Variants in ATP8A1 observed in about 807,000 individuals in gnomAD.
The protein encoded by ATP8A1 is ATPase phospholipid transporting 8A1.
In ATP8A1, 90 loss-of-function variants were observed where a neutral mutation model predicts 177.7. The observed-to-expected ratio is 0.51, with a 90% CI of 0.43 to 0.60. The LOEUF is 0.60. Among genes scored for constraint, ATP8A1 ranks in the 20% least tolerant of loss-of-function variants. ATP8A1 has a pLI of 0.00. For missense variants in ATP8A1, 1,072 were observed against 1,392.8 expected (o/e 0.77, Z 3.67); for synonymous variants, 493 against 485.9 (o/e 1.01, Z -0.19).
chr4:42,574,813 T>C lies in ATP8A1; in HGVS notation c.1207-106A>G, dbSNP rs540847591. The C allele has an allele frequency of 6.3e-5, 44 of 703,130 alleles. No individual in the cohort carries two copies. The Admixed American group carries it at 1.3e-3, about 21-fold the overall frequency. 43.6% of individuals were successfully genotyped at this position (703,130 alleles called of 1,614,324 possible). ...ATTAACATTGCAGGGGCACAATGAATATTACTAAGGAACTATTTTCTGCCC... is the reference window on the plus strand; with the variant it reads ...ATTAACATTGCAGGGGCACAATGAACATTACTAAGGAACTATTTTCTGCCC... On this transcript the variant is annotated intron_variant, in intron 13 of 36. Transcript: ENST00000381668.
At position 42,503,436 on chromosome 4, in the gene ATP8A1, A is replaced by G; in HGVS notation, c.2151+14T>C. ...ATTATTAAAGGAGTTTTAAAAATAC[A>G]TAATTTTACTTACATCAAGAGAGCC... On this transcript the variant is annotated intron_variant, in intron 24 of 36. Transcript: ENST00000381668. The G allele has an allele frequency of 6.6e-7, 1 of 1,511,960 alleles. No homozygotes were observed. Among genetic ancestry groups the G allele is most frequent in the Non-Finnish European group, 9.1e-7 (1 of 1,096,402 alleles). The allele number at this position is 1,511,960 out of a possible 1,614,324, so 93.7% of individuals were successfully genotyped here.
In ATP8A1 at chr4:42,421,124, T is replaced by A. The variant is rs184917576; in HGVS notation, c.3305+1683A>T. 4.6e-5 allele frequency among the ~76,000 whole-genome samples: 7 copies of A among 152,270 alleles called. No individual in the cohort carries two copies. In the East Asian group the frequency reaches 1.3e-3, roughly 29 times the overall value. On this transcript the variant is annotated intron_variant, in intron 35 of 36. Coordinates refer to ENST00000381668, the MANE Select transcript of ATP8A1 (RefSeq NM_006095.2). ...AGAAAGAGAACTGACATAATTAATT[T>A]ACTAGCTGAATTTACTGACAAACTG... is the stretch of plus-strand genomic sequence containing the variant.
rs185992935 is a variant in ATP8A1 at position 42,449,491 on chromosome 4, A to G, written c.2896+2490T>C. 7.2e-4 allele frequency among the ~76,000 whole-genome samples: 109 copies of G among 152,350 alleles called. 1 individual carries two copies. Among genetic ancestry groups the G allele is most frequent in the African/African-American group, 2.6e-3 (108 of 41,570 alleles). On this transcript the variant is annotated intron_variant, in intron 30 of 36. Coordinates refer to ENST00000381668, the MANE Select transcript of ATP8A1 (RefSeq NM_006095.2). ...CTTTCAGAACTGCTGAGGCAAAGGA[A>G]TAGATGAATATGTAGCTATATATTA...
intron 22 of ATP8A1, among the ~76,000 whole-genome samples, chr4:42,518,146 C>T (rs1725746798): frequency 6.6e-6 from 1 of 152,182 alleles, no homozygotes; most frequent in Non-Finnish European, 1.5e-5. Context: ...TTTGAACAAA[C>T]ATTGGAGGAA....
intron 25 of ATP8A1, among the ~76,000 whole-genome samples, chr4:42,473,721 C>G (rs921874576): frequency 6.6e-6 from 1 of 152,232 alleles, no homozygotes; most frequent in African/African-American, 2.4e-5. Flanking sequence ...TCTTGGCTCA[C>G]TGTAGCCTCA....
chr4:42,487,352 C>A (rs566466004), intron 24 of ATP8A1, among the ~76,000 whole-genome samples: 2 of 152,252 alleles, frequency 1.3e-5, no homozygotes, highest in African/African-American at 4.8e-5. Flanking sequence ...CTCCCCACAT[C>A]CTATAGATTC....
At chr4:42,433,925 A>C (rs1408922887) in intron 33 of ATP8A1, among the ~76,000 whole-genome samples, 1 of 152,010 alleles carries the variant, frequency 6.6e-6, no homozygotes, top group Admixed American at 6.5e-5. Flanking sequence ...ACCTGGATAA[A>C]CTAGAAGTTA....
intron 1 of ATP8A1, among the ~76,000 whole-genome samples, chr4:42,646,273 C>G (rs564622127): frequency 1.6e-4 from 25 of 152,330 alleles, no homozygotes; most frequent in African/African-American, 5.8e-4. Context: ...CAGGCCCCCC[C>G]ATCCTGGAGC....
chr4:42,468,834 TA>T (rs1418042375), intron 25 of ATP8A1, among the ~76,000 whole-genome samples: 1 of 152,146 alleles, frequency 6.6e-6, no homozygotes, highest in African/African-American at 2.4e-5. Context: ...ACAAAAGACA[TA>T]ATGGAAGCCT....
intron 22 of ATP8A1, among the ~76,000 whole-genome samples, chr4:42,507,780 TAAAAAAAAAAA>T: frequency 2.4e-3 from 43 of 17,704 alleles, no homozygotes; most frequent in Non-Finnish European, 3.2e-3. Flanking sequence ...ACAGGCATTC[TAAAAAAAAAAA>T]AAAAAAAAAA....
Position 42,411,867 on chromosome 4 carries a change from T to C in ATP8A1, c.*1049A>G, listed in dbSNP as rs937048336. Reference sequence around the variant, plus strand: ...GCAGTCACCATAACACTGGGTGTGCTACACAAGACACAGGCATCTCTAGTG... The same window carrying C: ...GCAGTCACCATAACACTGGGTGTGCCACACAAGACACAGGCATCTCTAGTG... On this transcript the variant is annotated 3_prime_UTR_variant, in exon 37 of 37. Coordinates refer to ENST00000381668, the MANE Select transcript of ATP8A1 (RefSeq NM_006095.2). 1.3e-5 allele frequency: 2 copies of C among 152,182 alleles called. No homozygotes were observed. Among genetic ancestry groups the C allele is most frequent in the Non-Finnish European group, 2.9e-5 (2 of 68,024 alleles). The allele number at this position is 152,182 out of a possible 1,614,324, so 9.4% of individuals were successfully genotyped here. A position where few individuals can be genotyped will look rare whatever the true frequency, so the allele number is the denominator to read the frequency against.
chr4:42,461,366 G>C (rs968230635), intron 27 of ATP8A1, among the ~76,000 whole-genome samples: 2 of 151,808 alleles, frequency 1.3e-5, no homozygotes, highest in Non-Finnish European at 1.5e-5. Flanking sequence ...GTTGTGGGAG[G>C]GACTGGTGGG....
intron 5 of ATP8A1, among the ~76,000 whole-genome samples, 175 bp downstream of exon 5, chr4:42,615,858 T>A (rs1038559947): frequency 1.3e-5 from 2 of 152,238 alleles, no homozygotes; most frequent in Non-Finnish European, 2.9e-5. Context: ...TATAAATCAC[T>A]TTAAAGTGAG....
chr4:42,565,690 G>A (rs1323486620), intron 15 of ATP8A1, among the ~76,000 whole-genome samples: 2 of 152,142 alleles, frequency 1.3e-5, no homozygotes. Context: ...TGATAGTGGG[G>A]GAAAGGCATA....
chr4:42,448,350 T>A (rs1168937788), intron 30 of ATP8A1, among the ~76,000 whole-genome samples: 1 of 149,676 alleles, frequency 6.7e-6, no homozygotes, highest in East Asian at 2.0e-4. Context: ...TAGTCTTTGA[T>A]ACTACATCAA....
chr4:42,453,913 T>C (rs1411320166), intron 29 of ATP8A1, among the ~76,000 whole-genome samples: 4 of 152,218 alleles, frequency 2.6e-5, no homozygotes, highest in African/African-American at 7.2e-5. Flanking sequence ...ATGCTCACCA[T>C]AGGTAATGAA....
At chr4:42,543,429 T>A (rs1348006602) in intron 20 of ATP8A1, among the ~76,000 whole-genome samples, 1 of 152,204 alleles carries the variant, frequency 6.6e-6, no homozygotes, top group Non-Finnish European at 1.5e-5. Context: ...AACATATTAC[T>A]ATTTCTGTCA....
chr4:42,637,560 TA>T (rs1739523936), intron 1 of ATP8A1, among the ~76,000 whole-genome samples: 2 of 152,218 alleles, frequency 1.3e-5, no homozygotes, highest in Non-Finnish European at 2.9e-5. Context: ...AAAAGAGTTC[TA>T]AAAATGAAGA....
intron 1 of ATP8A1, among the ~76,000 whole-genome samples, chr4:42,636,152 A>ACG (rs1276251388): frequency 3.0e-5 from 1 of 33,712 alleles, no homozygotes; most frequent in Non-Finnish European, 9.9e-5. Context: ...ACACACACAC[A>ACG]CACACGCACA....
Sources: gnomAD v4.1 joint callset for allele counts (sites outside exome capture counted in the v4.1 genomes callset) on GRCh38, gnomAD v4.1.1 for gene constraint, MANE v1.5 for transcripts, NCBI Gene and HGNC (gene_info 2026-07-23, HGNC 2026-07-21) for gene names.